The following MYO3B variants were observed in gnomAD, a reference collection of about 807,000 sequenced individuals.
MYO3B encodes the protein myosin IIIB.
Under a neutral mutation model 174.6 loss-of-function variants are expected in MYO3B, and 156 were observed. The observed-to-expected ratio is 0.89, with a 90% CI of 0.78 to 1.02. The LOEUF (loss-of-function observed/expected upper bound fraction) is 1.02, where lower values mean the gene tolerates loss of function less well. Among genes scored for constraint, MYO3B ranks in the 50% least tolerant of loss-of-function variants. The pLI is 0.00. For synonymous variants in MYO3B, 563 were observed against 569.1 expected (o/e 0.99, Z 0.15); for missense variants, 1,632 against 1,639.4 (o/e 1.00, Z 0.08).
At position 170,210,219 on chromosome 2, in the gene MYO3B, T is replaced by A. The variant is rs182689419; in HGVS notation, c.322-4160T>A. Among the ~76,000 whole-genome samples the A allele has an allele frequency of 2.0e-5, 3 of 152,330 alleles. No individual in the cohort carries two copies. In the South Asian group the frequency reaches 6.2e-4, roughly 32 times the overall value. On this transcript the variant is annotated intron_variant, in intron 3 of 34. Transcript: ENST00000408978. ...CTCAATTTACAAAAAAACTATATAA[T>A]ACCCTTTTGAATTTAGTCAATCTGT...
chr2:170,213,188 C>A (rs552733275), intron 3 of MYO3B, among the ~76,000 whole-genome samples: 1 of 152,080 alleles, frequency 6.6e-6, no homozygotes, highest in African/African-American at 2.4e-5. Flanking sequence ...CAGGACAAGC[C>A]GCAGACAAAA....
intron 7 of MYO3B, among the ~76,000 whole-genome samples, chr2:170,269,512 A>G (rs759836297): frequency 6.6e-6 from 1 of 152,172 alleles, no homozygotes. Flanking sequence ...AGCACTTTCA[A>G]TGGAAGTATT....
At chr2:170,568,302 A>G (rs1692205596) in intron 32 of MYO3B, among the ~76,000 whole-genome samples, 1 of 152,234 alleles carries the variant, frequency 6.6e-6, no homozygotes, top group Admixed American at 6.5e-5. Flanking sequence ...ATTTGGTAAT[A>G]ACAGGGGCAG....
chr2:170,652,286 T>C (rs962211304), intron 34 of MYO3B, 132 bp downstream of exon 34: 14 of 745,968 alleles, frequency 1.9e-5, no homozygotes, highest in African/African-American at 1.2e-4. Context: ...CTTATTGACA[T>C]TGGAAATTAC....
rs921447912 is a variant in MYO3B, at chr2:170,479,462, T to TAC, written c.3014+12759_3014+12760dup. Among the ~76,000 whole-genome samples, 5 of 146,054 alleles carry TAC rather than the reference T, an allele frequency of 3.4e-5. No individual in the cohort carries two copies. In the East Asian group the frequency reaches 7.8e-4, roughly 23 times the overall value. ...ATATAAAATATAGATTTTATATATA[T>TAC]ACACACACATATATTTTAAAAACCT... On this transcript the variant is annotated intron_variant, in intron 25 of 34. Transcript: ENST00000408978.
intron 14 of MYO3B, among the ~76,000 whole-genome samples, chr2:170,390,754 A>G (rs1045411309): frequency 6.6e-6 from 1 of 152,218 alleles, no homozygotes; most frequent in African/African-American, 2.4e-5. Context: ...CTCTGTGCTA[A>G]GGGACCACTT....
intron 8 of MYO3B, among the ~76,000 whole-genome samples, chr2:170,358,204 T>C (rs1213773938): frequency 6.6e-6 from 1 of 151,644 alleles, no homozygotes; most frequent in Non-Finnish European, 1.5e-5. Flanking sequence ...GTCTATCAAC[T>C]GATAGACGGA....
At chr2:170,399,978 G>T (rs1002857633) in intron 16 of MYO3B, among the ~76,000 whole-genome samples, 1 of 152,146 alleles carries the variant, frequency 6.6e-6, no homozygotes, top group Non-Finnish European at 1.5e-5. Flanking sequence ...GGGCCCAGAA[G>T]TGACCCACGT....
chr2:170,299,268 C>T (rs1447440683), intron 7 of MYO3B, among the ~76,000 whole-genome samples: 1 of 152,132 alleles, frequency 6.6e-6, no homozygotes, highest in Non-Finnish European at 1.5e-5. Context: ...AATAGAGAGA[C>T]AGAGTGGTAA....
chr2:170,213,627 G>C (rs2092796412), intron 3 of MYO3B, among the ~76,000 whole-genome samples: 1 of 152,056 alleles, frequency 6.6e-6, no homozygotes, highest in Admixed American at 6.6e-5. Flanking sequence ...CAATATGAGA[G>C]GGTCTGTCTC....
chr2:170,246,901 T>C (rs534017523), intron 7 of MYO3B, among the ~76,000 whole-genome samples: 3 of 151,806 alleles, frequency 2.0e-5, no homozygotes, highest in South Asian at 4.2e-4. Context: ...GTCCTAGGGG[T>C]GGGTATAGGA....
chr2:170,485,023 G>A (rs1685943864), intron 25 of MYO3B, among the ~76,000 whole-genome samples: 1 of 151,876 alleles, frequency 6.6e-6, no homozygotes, highest in Non-Finnish European at 1.5e-5. Context: ...AGACAGTCTG[G>A]GTGGTCATTG....
intron 29 of MYO3B, among the ~76,000 whole-genome samples, chr2:170,517,152 G>A (rs1283106274): frequency 6.6e-6 from 1 of 152,198 alleles, no homozygotes; most frequent in Non-Finnish European, 1.5e-5. Flanking sequence ...CTGTTCTTCA[G>A]CAAAGCTGGG....
chr2:170,192,734 G>C (rs1014756054), intron 1 of MYO3B, among the ~76,000 whole-genome samples: 7 of 151,224 alleles, frequency 4.6e-5, no homozygotes, highest in Admixed American at 3.9e-4. Context: ...TTTTTTGCTT[G>C]ATAGTATCCT....
intron 6 of MYO3B, among the ~76,000 whole-genome samples, chr2:170,225,619 A>G (rs2092943873): frequency 6.6e-6 from 1 of 152,212 alleles, no homozygotes; most frequent in African/African-American, 2.4e-5. Context: ...TTTCTAGAAA[A>G]TGATTGTGGT....
rs1441609358 is a variant in MYO3B at position 170,651,609 on chromosome 2, A to C, written c.3734-19A>C. 1 of 1,611,000 alleles carries C rather than the reference A, an allele frequency of 6.2e-7. No homozygotes were observed. Among genetic ancestry groups the C allele is most frequent in the Non-Finnish European group, 8.5e-7 (1 of 1,177,210 alleles). On this transcript the variant is annotated intron_variant, in intron 32 of 34. Transcript: ENST00000408978. ...CAACACCTCGGACAGTTTACAGCAAAGTTTTGCTCTTTTTTCAGGTTCAGA... is the reference window on the plus strand; with the variant it reads ...CAACACCTCGGACAGTTTACAGCAACGTTTTGCTCTTTTTTCAGGTTCAGA...
intron 7 of MYO3B, among the ~76,000 whole-genome samples, chr2:170,262,818 A>C (rs563082928): frequency 6.6e-6 from 1 of 152,266 alleles, no homozygotes; most frequent in Non-Finnish European, 1.5e-5. Context: ...GTATTTGGTT[A>C]TCTCTCTCCC....
chr2:170,287,854 T>C (rs1291905355), intron 7 of MYO3B, among the ~76,000 whole-genome samples: 1 of 152,120 alleles, frequency 6.6e-6, no homozygotes, highest in Non-Finnish European at 1.5e-5. Context: ...TTTCATTGTT[T>C]CAAGTCTCAG....
At position 170,515,026 on chromosome 2, in the gene MYO3B, G is replaced by A. The variant is rs1197790248; in HGVS notation, c.3472+4G>A. 1.2e-6 allele frequency: 2 copies of A among 1,612,436 alleles called. No individual in the cohort carries two copies. The highest frequency in any genetic ancestry group is 1.7e-6 in the Non-Finnish European group (2 of 1,178,968). On this transcript the variant is annotated splice_donor_region_variant and intron_variant, in intron 29 of 34. Coordinates refer to ENST00000408978, the MANE Select transcript of MYO3B (RefSeq NM_138995.5). ...AGCGAGCCTGGTGACCATAAAGGTA[G>A]AGTCTTTCGAGATTTAGAATGAGTG... is the stretch of plus-strand genomic sequence containing the variant.
Sources: allele counts gnomAD v4.1 joint callset (sites outside exome capture counted in the v4.1 genomes callset), GRCh38; gene constraint gnomAD v4.1.1; transcripts MANE v1.5; gene names NCBI Gene and HGNC (gene_info 2026-07-23, HGNC 2026-07-21).